CELSR1: variants seen among roughly 807,000 people sequenced by gnomAD.
CELSR1 encodes the protein cadherin EGF LAG seven-pass G-type receptor 1.
In CELSR1, 110 loss-of-function variants were observed where a neutral mutation model predicts 249.1. The ratio of observed to expected loss-of-function variants is 0.44; its 90% CI spans 0.38 to 0.52. The LOEUF (loss-of-function observed/expected upper bound fraction) is 0.52. Ranked by LOEUF, CELSR1 falls within the 20% of genes least tolerant of loss-of-function variation. CELSR1 has a pLI of 0.00. For missense variants in CELSR1, 4,109 were observed against 4,296.4 expected (o/e 0.96, Z 1.22); for synonymous variants, 2,113 against 1,900.0 (o/e 1.11, Z -2.92).
At chr22:46,373,832 C>G (rs1170149047) in intron 24 of CELSR1, among the ~76,000 whole-genome samples, 4 of 152,184 alleles carry the variant, frequency 2.6e-5, no homozygotes, top group African/African-American at 9.7e-5. Flanking sequence ...TCCCATCAGT[C>G]CACCCTACCA....
chr22:46,398,653 G>T lies in CELSR1; in HGVS notation c.5413-16C>A. 6.3e-7 allele frequency: 1 copy of T among 1,592,820 alleles called. No individual in the cohort carries two copies. The highest frequency in any genetic ancestry group is 8.6e-7 in the Non-Finnish European group (1 of 1,168,202). On this transcript the variant is annotated splice_polypyrimidine_tract_variant and intron_variant, in intron 10 of 34. Transcript: ENST00000674500. The surrounding 1 kb of genome is among the most constrained non-coding windows in gnomAD (Gnocchi z 7.2). Reference sequence around the variant, plus strand: ...CTGCCTTGTTCTGTGCGGAGAGAGGGGCCGGGGATCTGGGGGCTGCATCCA... The same window carrying T: ...CTGCCTTGTTCTGTGCGGAGAGAGGTGCCGGGGATCTGGGGGCTGCATCCA...
chr22:46,382,403 G>C (rs1440260674), intron 20 of CELSR1, among the ~76,000 whole-genome samples: 1 of 151,944 alleles, frequency 6.6e-6, no homozygotes, highest in Non-Finnish European at 1.5e-5. Context: ...TCAGCCTCCC[G>C]AGTAGCTGGG....
chr22:46,528,103 A>T (rs75198403), intron 1 of CELSR1, among the ~76,000 whole-genome samples: 2 of 150,834 alleles, frequency 1.3e-5, no homozygotes, highest in South Asian at 4.2e-4. Context: ...ACTGTCTCAA[A>T]AAAAAAAAAA....
In CELSR1 at chr22:46,396,084, T is replaced by C. The variant is rs545926497; in HGVS notation, c.5843+521A>G. 5.9e-5 allele frequency among the ~76,000 whole-genome samples: 9 copies of C among 152,274 alleles called. No homozygotes were observed. Among genetic ancestry groups the C allele is most frequent in the African/African-American group, 1.7e-4 (7 of 41,554 alleles). ...GCATGTTTCAGGTGTGGACACATGA[T>C]CCAATGGGGTTAGTTTGAGACGTCC... On this transcript the variant is annotated intron_variant, in intron 13 of 34. Coordinates refer to ENST00000674500, the MANE Select transcript of CELSR1 (RefSeq NM_001378328.1). This position sits in a 1 kb window ranked among gnomAD's most constrained non-coding sequence, Gnocchi z 6.4.
Position 46,464,435 on chromosome 22 carries a change from T to C in CELSR1, c.3545-90A>G. 2.8e-6 allele frequency: 4 copies of C among 1,410,298 alleles called. No homozygotes were observed. Among genetic ancestry groups the C allele is most frequent in the East Asian group, 4.6e-5 (2 of 43,364 alleles). 87.4% of individuals were successfully genotyped at this position (1,410,298 alleles called of 1,614,324 possible). ...ATCCCAGGAGCAGCCTCAGGCATGC[T>C]TGGCAAAGGAGAAGAGAGCCTGGGC... On this transcript the variant is annotated intron_variant, in intron 1 of 34. Transcript: ENST00000674500. This position sits in a 1 kb window ranked among gnomAD's most constrained non-coding sequence, Gnocchi z 8.5.
intron 1 of CELSR1, among the ~76,000 whole-genome samples, chr22:46,478,940 T>C (rs1472768317): frequency 6.6e-6 from 1 of 151,956 alleles, no homozygotes; most frequent in Non-Finnish European, 1.5e-5. Flanking sequence ...CTTCAGCCAC[T>C]GCTCACCGCA....
intron 1 of CELSR1, among the ~76,000 whole-genome samples, chr22:46,501,020 A>T (rs2080460996): frequency 7.2e-6 from 1 of 138,078 alleles, no homozygotes; most frequent in Admixed American, 6.8e-5. Context: ...ATTTTATTTT[A>T]TTTTTTATTT....
At chr22:46,477,214 G>A (rs764807923) in intron 1 of CELSR1, among the ~76,000 whole-genome samples, 20 of 152,092 alleles carry the variant, frequency 1.3e-4, no homozygotes, top group African/African-American at 3.6e-4. Flanking sequence ...AGCCAAAGTC[G>A]CCATCTGTTT....
In CELSR1 at chr22:46,407,965, G is replaced by A. The variant is rs1272651865; in HGVS notation, c.5226+1031C>T. ...GGGCAAGAGGGCAAGCCGAGGGCCG[G>A]GCACCCTCCTGGGGAGGGTCCCCAT... On this transcript the variant is annotated intron_variant, in intron 9 of 34. Transcript: ENST00000674500. This position sits in a 1 kb window ranked among gnomAD's most constrained non-coding sequence, Gnocchi z 4.8. 6.6e-6 allele frequency among the ~76,000 whole-genome samples: 1 copy of A among 152,194 alleles called. No homozygotes were observed. Among genetic ancestry groups the A allele is most frequent in the Admixed American group, 6.5e-5 (1 of 15,282 alleles).
rs2080640173 is a variant in CELSR1, at chr22:46,517,492, T to C, written c.3544+16135A>G. On this transcript the variant is annotated intron_variant, in intron 1 of 34. Transcript: ENST00000674500. The surrounding 1 kb of genome is among the most constrained non-coding windows in gnomAD (Gnocchi z 5.4). ...ATCTGGAGGGTAGAACCACAATGGCTGATGTGCACTGTCCCGGCGCCCCAG... is the reference window on the plus strand; with the variant it reads ...ATCTGGAGGGTAGAACCACAATGGCCGATGTGCACTGTCCCGGCGCCCCAG... Among the ~76,000 whole-genome samples the C allele has an allele frequency of 6.6e-6, 1 of 152,114 alleles. No individual in the cohort carries two copies. The highest frequency in any genetic ancestry group is 2.4e-5 in the African/African-American group (1 of 41,446).
In CELSR1 at chr22:46,407,961, G is replaced by A. The variant is rs558775759; in HGVS notation, c.5226+1035C>T. 6.6e-6 allele frequency among the ~76,000 whole-genome samples: 1 copy of A among 152,192 alleles called. No individual in the cohort carries two copies. The highest frequency in any genetic ancestry group is 2.4e-5 in the African/African-American group (1 of 41,446). On this transcript the variant is annotated intron_variant, in intron 9 of 34. Transcript: ENST00000674500. This position sits in a 1 kb window ranked among gnomAD's most constrained non-coding sequence, Gnocchi z 4.8. Reference sequence around the variant, plus strand: ...AGAGGGGCAAGAGGGCAAGCCGAGGGCCGGGCACCCTCCTGGGGAGGGTCC... The same window carrying A: ...AGAGGGGCAAGAGGGCAAGCCGAGGACCGGGCACCCTCCTGGGGAGGGTCC...
rs376868344 is a variant in CELSR1, at chr22:46,448,470, G to A, written c.4184-9059C>T. On this transcript the variant is annotated intron_variant, in intron 2 of 34. Transcript: ENST00000674500. The surrounding 1 kb of genome is among the most constrained non-coding windows in gnomAD (Gnocchi z 5.7). ...GGACCTGGGGGAGGGCTGGGAACGC[G>A]CTGGGAACGTGCCCCAGGAGGGGAA... 2.5e-5 allele frequency: 9 copies of A among 365,032 alleles called. No homozygotes were observed. Among genetic ancestry groups the A allele is most frequent in the Non-Finnish European group, 4.3e-5 (8 of 185,190 alleles). 22.6% of individuals were successfully genotyped at this position (365,032 alleles called of 1,614,324 possible). A position where few individuals can be genotyped will look rare whatever the true frequency, so the allele number is the denominator to read the frequency against.
Position 46,513,912 on chromosome 22 carries a change from C to CG in CELSR1, c.3544+19714_3544+19715insC, listed in dbSNP as rs538442685. 5.7e-3 allele frequency among the ~76,000 whole-genome samples: 663 copies of CG among 115,804 alleles called. 3 individuals are homozygous for CG. The highest frequency in any genetic ancestry group is 0.021 in the African/African-American group (633 of 29,910). 76.0% of individuals were successfully genotyped at this position (115,804 alleles called of 152,430 possible). ...GGTTCACGCCATTCTCCTGCCTCAG[C>CG]CCCCCCCGAGTAGCTGGGACTACAG... On this transcript the variant is annotated intron_variant, in intron 1 of 34. Coordinates refer to ENST00000674500, the MANE Select transcript of CELSR1 (RefSeq NM_001378328.1).
chr22:46,537,062 CG>C lies in CELSR1; in HGVS notation c.108del (p.Gly37AlafsTer65). 9.4e-7 allele frequency: 1 copy of C among 1,068,762 alleles called. No individual in the cohort carries two copies. The highest frequency in any genetic ancestry group is 1.1e-6 in the Non-Finnish European group (1 of 885,882). 66.2% of individuals were successfully genotyped at this position (1,068,762 alleles called of 1,614,324 possible). A position where few individuals can be genotyped will look rare whatever the true frequency, so the allele number is the denominator to read the frequency against. On this transcript the variant is annotated frameshift_variant, in exon 1 of 35. Coordinates refer to ENST00000674500, the MANE Select transcript of CELSR1 (RefSeq NM_001378328.1). LOFTEE classifies it high-confidence loss of function. This position sits in a 1 kb window ranked among gnomAD's most constrained non-coding sequence, Gnocchi z 5.8. ...CGGAGGGCGAAGGCGCGGGTCCCGC[CG>C]GGTACGCGCGGCTCCCAGGCGGCCG... ...LRAAAWEPRV[P>X]GGTRAFALRP... is the part of the protein sequence containing the mutation.
intron 25 of CELSR1, among the ~76,000 whole-genome samples, chr22:46,372,479 C>T (rs1021738157): frequency 1.7e-5 from 2 of 116,336 alleles, no homozygotes; most frequent in African/African-American, 3.5e-5. Flanking sequence ...TCCAGCCACT[C>T]GCTTACCCCC....
Position 46,365,252 on chromosome 22 carries a change from C to G in CELSR1, c.8533G>C (p.Ala2845Pro). ...TCACCTTTGGGGGTGCTGTGGACGG[C>G]GCCCCTGGCCGGGTCCCATTTTTCC... is the stretch of plus-strand genomic sequence containing the variant. Reference protein sequence around the residue: ...AEEKWDPARGAVHSTPKGDAV... With the variant: ...AEEKWDPARGPVHSTPKGDAV... The change falls in exon 32 of 35, where the codon GCC becomes CCC. Residue 2845 changes from alanine (A) to proline (P), a missense_variant. By Grantham distance (27) the Ala-to-Pro change is conservative. Coordinates refer to ENST00000674500, the MANE Select transcript of CELSR1 (RefSeq NM_001378328.1). The G allele has an allele frequency of 6.2e-7, 1 of 1,612,156 alleles. No homozygotes were observed. The highest frequency in any genetic ancestry group is 8.5e-7 in the Non-Finnish European group (1 of 1,179,880).
chr22:46,528,247 G>A (rs931710772), intron 1 of CELSR1, among the ~76,000 whole-genome samples: 1 of 152,084 alleles, frequency 6.6e-6, no homozygotes, highest in African/African-American at 2.4e-5. Context: ...GCAATATCCT[G>A]TATTTAACTA....
rs752384208 is a variant in CELSR1, at chr22:46,535,608, G to A, written c.1563C>T (p.Pro521=). ...ATTTCTGGACATCCTCGAAATCCAA[G>A]GGGTTGATCACATCCAGGATCCCGC... ...SLSGILDVIN[P]LDFEDVQKYS... is the part of the protein sequence containing the mutation. Residue 521 remains proline (P), a synonymous_variant, in exon 1 of 35, where the codon CCC becomes CCT. Coordinates refer to ENST00000674500, the MANE Select transcript of CELSR1 (RefSeq NM_001378328.1). 6 of 1,613,472 alleles carry A rather than the reference G, an allele frequency of 3.7e-6. No homozygotes were observed. In the African/African-American group the frequency reaches 5.3e-5, roughly 14 times the overall value.
In CELSR1 at chr22:46,391,828, A is replaced by G. The variant is rs199711247; in HGVS notation, c.5965-12T>C. The G allele has an allele frequency of 3.7e-5, 59 of 1,606,954 alleles. No individual in the cohort carries two copies. Among genetic ancestry groups the G allele is most frequent in the Non-Finnish European group, 4.7e-5 (55 of 1,178,232 alleles). On this transcript the variant is annotated splice_polypyrimidine_tract_variant and intron_variant, in intron 14 of 34. Coordinates refer to ENST00000674500, the MANE Select transcript of CELSR1 (RefSeq NM_001378328.1). The surrounding 1 kb of genome is among the most constrained non-coding windows in gnomAD (Gnocchi z 4.3). Reference sequence around the variant, plus strand: ...TTGTAGTAATTCTCCTGCAAAAGCCAGAGGCAGGGCCTGTGACTTCAGATG... The same window carrying G: ...TTGTAGTAATTCTCCTGCAAAAGCCGGAGGCAGGGCCTGTGACTTCAGATG...
Sources: gnomAD v4.1 joint callset for allele counts (sites outside exome capture counted in the v4.1 genomes callset) on GRCh38, gnomAD v4.1.1 for gene constraint, Gnocchi (gnomAD v3.1) non-coding constraint, MANE v1.5 for transcripts, NCBI Gene and HGNC (gene_info 2026-07-23, HGNC 2026-07-21) for gene names.